The following KIAA0586 variants were observed in gnomAD, a reference collection of about 807,000 sequenced individuals.
The protein encoded by KIAA0586 is protein TALPID3.
Under a neutral mutation model 169.8 loss-of-function variants are expected in KIAA0586, and 144 were observed. That is an observed-to-expected ratio of 0.85 (90% CI 0.74 to 0.97). KIAA0586 has a LOEUF of 0.97. Ranked by LOEUF, KIAA0586 falls within the 50% of genes least tolerant of loss-of-function variation. KIAA0586 has a pLI of 0.00. For synonymous variants in KIAA0586, 625 were observed against 612.4 expected, an observed-to-expected ratio of 1.02 and a Z score of -0.30; for missense variants, 1,854 against 1,823.0, an observed-to-expected ratio of 1.02 and a Z score of -0.31.
intron 15 of KIAA0586, among the ~76,000 whole-genome samples, chr14:58,467,299 T>C (rs1380550897): frequency 2.6e-5 from 4 of 152,194 alleles, no homozygotes; most frequent in Admixed American, 6.5e-5. Flanking sequence ...AAGGGTTACA[T>C]AATTTGTCAA....
intron 29 of KIAA0586, among the ~76,000 whole-genome samples, chr14:58,524,121 A>G (rs903377274): frequency 2.0e-5 from 3 of 152,166 alleles, no homozygotes; most frequent in African/African-American, 7.2e-5. Flanking sequence ...TTACCCTCAA[A>G]TAAATTTAGG....
intron 14 of KIAA0586, among the ~76,000 whole-genome samples, chr14:58,465,392 A>G (rs2040672688): frequency 6.6e-6 from 1 of 152,224 alleles, no homozygotes; most frequent in Non-Finnish European, 1.5e-5. Context: ...TAAAGAATTC[A>G]AACATTGTTG....
rs747250344 is a variant in KIAA0586 at position 58,442,756 on chromosome 14, A to T, written c.461A>T (p.Asp154Val). The change falls in exon 5 of 31, where the codon GAT becomes GTT. Residue 154 changes from aspartate to valine, a missense_variant. Coordinates refer to ENST00000652326, the MANE Select transcript of KIAA0586 (RefSeq NM_001329943.3). ...FKEVKVHLLE[D>V]AGIEKDAVTQ... ...GAAGTAAAGGTACATCTGTTAGAAG[A>T]TGCAGGCATAGAGAAGGATGCTGTT... The T allele has an allele frequency of 6.3e-7, 1 of 1,595,048 alleles. No homozygotes were observed. The highest frequency in any genetic ancestry group is 8.5e-7 in the Non-Finnish European group (1 of 1,169,608).
At chr14:58,458,101 C>A in intron 11 of KIAA0586, 122 bp downstream of exon 11, 1 of 657,934 alleles carries the variant, frequency 1.5e-6, no homozygotes, top group Non-Finnish European at 2.5e-6. Context: ...TCTTTATTGA[C>A]TTTGAAGATG....
In KIAA0586 at chr14:58,482,822, G is replaced by T. The variant is rs926389241; in HGVS notation, c.3144+110G>T. On this transcript the variant is annotated intron_variant, in intron 21 of 30. Coordinates refer to ENST00000652326, the MANE Select transcript of KIAA0586 (RefSeq NM_001329943.3). Reference sequence around the variant, plus strand: ...TAGAAGTATTATTATCATTTTTAGAGACATGGTCTTTATTTATTGCCCTGG... The same window carrying T: ...TAGAAGTATTATTATCATTTTTAGATACATGGTCTTTATTTATTGCCCTGG... 1.5e-5 allele frequency: 12 copies of T among 791,216 alleles called. No individual in the cohort carries two copies. In the African/African-American group the frequency reaches 1.8e-4, roughly 12 times the overall value. 49.0% of individuals were successfully genotyped at this position (791,216 alleles called of 1,614,324 possible). A position where few individuals can be genotyped will look rare whatever the true frequency, so the allele number is the denominator to read the frequency against.
At chr14:58,449,197 A>G (rs958975409) in intron 7 of KIAA0586, among the ~76,000 whole-genome samples, 2 of 152,224 alleles carry the variant, frequency 1.3e-5, no homozygotes, top group Non-Finnish European at 2.9e-5. Flanking sequence ...GTTGTTTTAC[A>G]GTCATTAAAG....
In KIAA0586 at chr14:58,540,074, C is replaced by A. The variant is rs1240808802; in HGVS notation, c.4433C>A (p.Ser1478Ter). The change falls in exon 30 of 31, where the codon TCA becomes TAA. Residue 1478 changes from serine to a stop codon, truncating the protein, a stop_gained. Coordinates refer to ENST00000652326, the MANE Select transcript of KIAA0586 (RefSeq NM_001329943.3). LOFTEE classifies it high-confidence loss of function. ...SDIAPSQQQV[S>*]PGDMDRTQIE... Reference sequence around the variant, plus strand: ...GAAAAAATAAATTTTTATGTAGTTTCACCAGGTGATATGGATCGGACACAA... The same window carrying A: ...GAAAAAATAAATTTTTATGTAGTTTAACCAGGTGATATGGATCGGACACAA... 6.5e-7 allele frequency: 1 copy of A among 1,541,256 alleles called. No homozygotes were observed. The highest frequency in any genetic ancestry group is 1.9e-5 in the Admixed American group (1 of 51,930).
chr14:58,427,746 T>C lies in KIAA0586; in HGVS notation c.-519T>C. 1 of 1,533,522 alleles carries C rather than the reference T, an allele frequency of 6.5e-7. No homozygotes were observed. The highest frequency in any genetic ancestry group is 8.7e-7 in the Non-Finnish European group (1 of 1,146,322). 95.0% of individuals were successfully genotyped at this position (1,533,522 alleles called of 1,614,324 possible). A position where few individuals can be genotyped will look rare whatever the true frequency, so the allele number is the denominator to read the frequency against. On this transcript the variant is annotated 5_prime_UTR_variant, in exon 1 of 31. Coordinates refer to ENST00000652326, the MANE Select transcript of KIAA0586 (RefSeq NM_001329943.3). ...TGTTGTCAGATTACACCCACGACGG[T>C]GCGGGTCTCGGGCGTTCTGGAGATA...
chr14:58,520,225 C>T (rs2045100940), intron 29 of KIAA0586, among the ~76,000 whole-genome samples: 1 of 152,128 alleles, frequency 6.6e-6, no homozygotes, highest in Non-Finnish European at 1.5e-5. Context: ...GTAAAATTCT[C>T]CCTTTAAATT....
intron 29 of KIAA0586, among the ~76,000 whole-genome samples, chr14:58,535,425 A>T (rs750448348): frequency 6.6e-6 from 1 of 152,208 alleles, no homozygotes; most frequent in Non-Finnish European, 1.5e-5. Context: ...GCTTTTTAAT[A>T]AGCTTTAATA....
Position 58,461,133 on chromosome 14 carries a change from A to C in KIAA0586, c.2032A>C (p.Arg678=), listed in dbSNP as rs190081177. ...TCCATCTCCTAAGTCCAGACCACAG[A>C]GACCAAAAGTAATAGAACGAGTTAA... ...NSPSPKSRPQ[R]PKVIERVKGT... is the part of the protein sequence containing the mutation. The change falls in exon 14 of 31, where the codon AGA becomes CGA. Residue 678 remains arginine, a synonymous_variant. Coordinates refer to ENST00000652326, the MANE Select transcript of KIAA0586 (RefSeq NM_001329943.3). 11 of 1,593,878 alleles carry C rather than the reference A, an allele frequency of 6.9e-6. No individual in the cohort carries two copies. The highest frequency in any genetic ancestry group is 1.4e-5 in the African/African-American group (1 of 73,554).
intron 29 of KIAA0586, among the ~76,000 whole-genome samples, chr14:58,517,239 G>A (rs1256297145): frequency 6.6e-6 from 1 of 152,024 alleles, no homozygotes; most frequent in Non-Finnish European, 1.5e-5. Context: ...TGATGAAGCA[G>A]TTATGTCCAG....
At chr14:58,505,049 C>T (rs1373283625) in intron 27 of KIAA0586, among the ~76,000 whole-genome samples, 1 of 152,168 alleles carries the variant, frequency 6.6e-6, no homozygotes. Context: ...CTCCCCACCA[C>T]CACTTTTTTC....
chr14:58,529,343 T>G (rs2045805895), intron 29 of KIAA0586, among the ~76,000 whole-genome samples: 1 of 152,180 alleles, frequency 6.6e-6, no homozygotes, highest in East Asian at 1.9e-4. Context: ...GACTGCTCCC[T>G]TACTCATTTT....
intron 11 of KIAA0586, 85 bp from the exon 12 acceptor site, chr14:58,458,388 C>T (rs2040047421): frequency 2.8e-6 from 2 of 719,412 alleles, no homozygotes; most frequent in Admixed American, 3.0e-5. Flanking sequence ...AGCAGGTTCA[C>T]AACTAGATAA....
chr14:58,432,103 G>A (rs1289547890), intron 3 of KIAA0586, among the ~76,000 whole-genome samples: 2 of 152,026 alleles, frequency 1.3e-5, no homozygotes, highest in Non-Finnish European at 2.9e-5. Context: ...TTCCACTACT[G>A]TATTGAAAAG....
Position 58,549,589 on chromosome 14 carries a change from G to A in KIAA0586, c.*1657G>A, listed in dbSNP as rs770160080. Reference sequence around the variant, plus strand: ...TGTTTTAGGTTTCACTTTAGAACCCGTTTTCTTTGATATGGCCCTTTGGAC... The same window carrying A: ...TGTTTTAGGTTTCACTTTAGAACCCATTTTCTTTGATATGGCCCTTTGGAC... On this transcript the variant is annotated 3_prime_UTR_variant, in exon 31 of 31. Coordinates refer to ENST00000652326, the MANE Select transcript of KIAA0586 (RefSeq NM_001329943.3). 73 of 152,102 alleles carry A rather than the reference G, an allele frequency of 4.8e-4. No individual in the cohort carries two copies. Among genetic ancestry groups the A allele is most frequent in the Non-Finnish European group, 2.5e-4 (17 of 68,008 alleles). The allele number at this position is 152,102 out of a possible 1,614,324, so 9.4% of individuals were successfully genotyped here.
intron 18 of KIAA0586, 78 bp from the exon 19 acceptor site, chr14:58,474,529 G>C: frequency 1.0e-6 from 1 of 964,268 alleles, no homozygotes; most frequent in East Asian, 2.8e-5. Context: ...AATTCACCTA[G>C]TTCCTTGCCT....
intron 4 of KIAA0586, among the ~76,000 whole-genome samples, chr14:58,438,613 T>C (rs115654475): frequency 0.017 from 2,514 of 152,298 alleles, 74 homozygotes; most frequent in African/African-American, 0.057. Flanking sequence ...AATTGTCCCA[T>C]ACAGATATTT....
Sources: gnomAD v4.1 joint callset for allele counts (sites outside exome capture counted in the v4.1 genomes callset) on GRCh38, gnomAD v4.1.1 for gene constraint, MANE v1.5 for transcripts, NCBI Gene and HGNC (gene_info 2026-07-23, HGNC 2026-07-21) for gene names.